ZNF665: variants seen among roughly 807,000 people sequenced by gnomAD.
The protein encoded by ZNF665 is zinc finger protein 665.
ZNF665 carries 6 observed loss-of-function variants against 7.9 expected under a neutral mutation model. The observed-to-expected ratio is 0.76, with a 90% CI of 0.42 to 1.50. The LOEUF is 1.50. Among genes scored for constraint, ZNF665 ranks in the 40% most tolerant of loss-of-function variants. ZNF665 has a pLI of 0.01. For missense variants in ZNF665, 819 were observed against 806.7 expected (o/e 1.02, Z -0.18); for synonymous variants, 242 against 274.5 (o/e 0.88, Z 1.17).
intron 1 of ZNF665, among the ~76,000 whole-genome samples, chr19:53,189,795 C>G (rs1425070609): frequency 6.6e-6 from 1 of 151,770 alleles, no homozygotes; most frequent in African/African-American, 2.4e-5. Flanking sequence ...CTCCCTTCCC[C>G]AGTCTGCTAA....
intron 1 of ZNF665, 68 bp from the exon 2 acceptor site, chr19:53,183,011 G>C (rs975910205): frequency 6.8e-7 from 1 of 1,473,594 alleles, no homozygotes; most frequent in Non-Finnish European, 9.4e-7. Context: ...TTGTTGGTTA[G>C]AATCAACACA....
intron 3 of ZNF665, among the ~76,000 whole-genome samples, chr19:53,167,220 C>T (rs984793796): frequency 4.6e-5 from 7 of 151,996 alleles, no homozygotes; most frequent in African/African-American, 1.5e-4. Flanking sequence ...AGGCTGGTCT[C>T]GAACTCCCGA....
At position 53,175,465 on chromosome 19, in the gene ZNF665, T is replaced by A; in HGVS notation, c.122A>T (p.Tyr41Phe). ...CTCACCCAGGGAGACCAGGTTCCTA[T>A]AATTCTCCAACATGACGTCCCTGTA... The part of the protein sequence containing the change: ...TLYRDVMLEN[Y>F]RNLVSLDISC... Residue 41 changes from tyrosine (Y) to phenylalanine (F), a missense_variant, in exon 3 of 4, where the codon TAT becomes TTT. By Grantham distance (22) the Tyr-to-Phe change is conservative. Transcript: ENST00000396424. 1 of 1,612,290 alleles carries A rather than the reference T, an allele frequency of 6.2e-7. No homozygotes were observed. The highest frequency in any genetic ancestry group is 8.5e-7 in the Non-Finnish European group (1 of 1,179,322).
chr19:53,178,499 A>T (rs1273633039), intron 2 of ZNF665, among the ~76,000 whole-genome samples: 3 of 152,080 alleles, frequency 2.0e-5, no homozygotes, highest in Non-Finnish European at 4.4e-5. Flanking sequence ...CAAGGCAGGC[A>T]GATTGTTTGA....
chr19:53,164,781 T>C lies in ZNF665; in HGVS notation c.1709A>G (p.Tyr570Cys), dbSNP rs1023302438. Residue 570 changes from tyrosine (Y) to cysteine (C), a missense_variant, in exon 4 of 4, where the codon TAT becomes TGT. Transcript: ENST00000396424. ...HQRIHTGEKP[Y>C]KCNECGKAFS... is the part of the protein sequence containing the mutation. Reference sequence around the variant, plus strand: ...TGCTTTGCCGCACTCATTACACTTATAAGGTTTCTCACCAGTGTGAATTCT... The same window carrying C: ...TGCTTTGCCGCACTCATTACACTTACAAGGTTTCTCACCAGTGTGAATTCT... The C allele has an allele frequency of 1.6e-5, 26 of 1,614,240 alleles. No homozygotes were observed. Among genetic ancestry groups the C allele is most frequent in the South Asian group, 2.2e-5 (2 of 91,088 alleles).
chr19:53,167,237 G>A (rs145170121), intron 3 of ZNF665, among the ~76,000 whole-genome samples: 9 of 152,154 alleles, frequency 5.9e-5, no homozygotes, highest in Non-Finnish European at 1.2e-4. Context: ...CCGACCTCAG[G>A]TGATCCCCCC....
chr19:53,181,771 G>A (rs1026481825), intron 2 of ZNF665: 1 of 152,152 alleles, frequency 6.6e-6, no homozygotes, highest in African/African-American at 2.4e-5. Flanking sequence ...CAATAAAATA[G>A]AGGACTAGAA....
rs2090614750 is a variant in ZNF665 at position 53,166,241 on chromosome 19, A to G, written c.249T>C (p.Thr83=). 3 of 1,613,882 alleles carry G rather than the reference A, an allele frequency of 1.9e-6. No individual in the cohort carries two copies. Among genetic ancestry groups the G allele is most frequent in the South Asian group, 1.1e-5 (1 of 91,082 alleles). Residue 83 remains threonine (T), a synonymous_variant, in exon 4 of 4, where the codon ACT becomes ACC. Transcript: ENST00000396424. ...VKLERLESCD[T]VGLSFQEVQK... ...GAACTTCCTGGAAGGACAAGCCTACAGTGTCACAGCTTTCAAGTCTCTCCA... is the reference window on the plus strand; with the variant it reads ...GAACTTCCTGGAAGGACAAGCCTACGGTGTCACAGCTTTCAAGTCTCTCCA...
At chr19:53,182,587 G>A in intron 2 of ZNF665, 1 of 721,894 alleles carries the variant, frequency 1.4e-6, no homozygotes, top group Non-Finnish European at 2.5e-6. Context: ...AATATGTCCT[G>A]AACAATCCCT....
rs1011715499 is a variant in ZNF665 at position 53,165,483 on chromosome 19, T to C, written c.1007A>G (p.His336Arg). The C allele has an allele frequency of 6.2e-7, 1 of 1,614,012 alleles. No homozygotes were observed. The highest frequency in any genetic ancestry group is 8.5e-7 in the Non-Finnish European group (1 of 1,179,964). ...TTTTTCTCCAGTGTGGATTGTCTGATGGGTAGTCAGGCTTGAGCGAACACT... is the reference window on the plus strand; with the variant it reads ...TTTTTCTCCAGTGTGGATTGTCTGACGGGTAGTCAGGCTTGAGCGAACACT... ...AFSVRSSLTT[H>R]QTIHTGEKPY... Residue 336 changes from histidine (H) to arginine (R), a missense_variant, in exon 4 of 4, where the codon CAT becomes CGT. His to Arg is a conservative substitution (Grantham distance 29). Transcript: ENST00000396424.
In ZNF665 at chr19:53,164,986, C is replaced by A; in HGVS notation, c.1504G>T (p.Ala502Ser). Reference protein sequence around the residue: ...GKAFSQTSQLARHWRVHTGEK... With the variant: ...GKAFSQTSQLSRHWRVHTGEK... ...CCAGTATGAACTCTCCAATGCCTTGCAAGTTGTGATGTTTGACTGAAGGCT... is the reference window on the plus strand; with the variant it reads ...CCAGTATGAACTCTCCAATGCCTTGAAAGTTGTGATGTTTGACTGAAGGCT... Residue 502 changes from alanine (A) to serine (S), a missense_variant, in exon 4 of 4, where the codon GCA (alanine) becomes TCA (serine). Transcript: ENST00000396424. 2.5e-6 allele frequency: 4 copies of A among 1,613,798 alleles called. No homozygotes were observed. In the South Asian group the frequency reaches 4.4e-5, roughly 18 times the overall value.
At position 53,183,938 on chromosome 19, in the gene ZNF665, T is replaced by C. The variant is rs146324079; in HGVS notation, c.-45-995A>G. On this transcript the variant is annotated intron_variant, in intron 1 of 3. Transcript: ENST00000396424. ...AGGGAGGGCTGAGGTCTTCAAACAG[T>C]TTTTCTCCCACACCTCCAAAGAATG... Among the ~76,000 whole-genome samples the C allele has an allele frequency of 3.7e-3, 561 of 151,952 alleles. 5 individuals carry two copies. The highest frequency in any genetic ancestry group is 0.013 in the African/African-American group (529 of 41,450).
intron 2 of ZNF665, chr19:53,180,578 G>C (rs1334790952): frequency 1.3e-5 from 2 of 152,082 alleles, no homozygotes; most frequent in East Asian, 3.8e-4. Context: ...ATATTCATGT[G>C]TGCACATCAC....
chr19:53,174,021 A>G (rs1261246563), intron 3 of ZNF665, among the ~76,000 whole-genome samples: 2 of 152,210 alleles, frequency 1.3e-5, no homozygotes, highest in African/African-American at 4.8e-5. Context: ...AGCTTAAGAC[A>G]GTTCCGTGAA....
At chr19:53,192,901 G>A (rs899496602) in intron 1 of ZNF665, among the ~76,000 whole-genome samples, 95 of 152,096 alleles carry the variant, frequency 6.2e-4, no homozygotes, top group Non-Finnish European at 1.2e-3. Context: ...GAGGGGTGGG[G>A]TATGCAGGAT....
chr19:53,177,033 C>T (rs2090703958), intron 2 of ZNF665, among the ~76,000 whole-genome samples: 1 of 152,118 alleles, frequency 6.6e-6, no homozygotes, highest in African/African-American at 2.4e-5. Flanking sequence ...GCCGGAGAAT[C>T]ATTTGAAGCC....
At chr19:53,190,196 G>A (rs1033905891) in intron 1 of ZNF665, 1 of 152,192 alleles carries the variant, frequency 6.6e-6, no homozygotes, top group African/African-American at 2.4e-5. Flanking sequence ...CTTGGCACCT[G>A]GGTGGCATGC....
chr19:53,173,319 G>C (rs934845076), intron 3 of ZNF665, among the ~76,000 whole-genome samples: 7 of 149,246 alleles, frequency 4.7e-5, no homozygotes, highest in Non-Finnish European at 7.4e-5. Flanking sequence ...GTGTGTTCTT[G>C]GTACCTCTGT....
chr19:53,189,507 AGAGG>A (rs1284134234), intron 1 of ZNF665, among the ~76,000 whole-genome samples: 1 of 146,992 alleles, frequency 6.8e-6, no homozygotes, highest in Non-Finnish European at 1.5e-5. Flanking sequence ...GCCGAGGCAG[AGAGG>A]GAGAGGAGAC....
Sources: allele counts gnomAD v4.1 joint callset (sites outside exome capture counted in the v4.1 genomes callset), GRCh38; gene constraint gnomAD v4.1.1; transcripts MANE v1.5; gene names NCBI Gene and HGNC (gene_info 2026-07-23, HGNC 2026-07-21).